The following MYO16 variants were observed in gnomAD, a reference collection of about 807,000 sequenced individuals.
MYO16 encodes unconventional myosin-XVI.
In MYO16, 94 loss-of-function variants were observed where a neutral mutation model predicts 205.3. The observed-to-expected ratio is 0.46, with a 90% confidence interval of 0.39 to 0.54. The LOEUF is 0.54. MYO16 is among the 20% of genes least tolerant of loss of function. The pLI is 0.00. For synonymous variants in MYO16, 988 were observed against 954.0 expected (o/e 1.04, Z -0.66); for missense variants, 2,315 against 2,387.5 (o/e 0.97, Z 0.63).
intron 4 of MYO16, among the ~76,000 whole-genome samples, chr13:108,743,645 T>C (rs906478141): frequency 3.3e-5 from 5 of 152,254 alleles, no homozygotes; most frequent in African/African-American, 1.2e-4. Flanking sequence ...CTTTTGTGTT[T>C]GAACATCTGA....
intron 20 of MYO16, among the ~76,000 whole-genome samples, chr13:108,966,335 C>T (rs1308336968): frequency 6.6e-6 from 1 of 152,104 alleles, no homozygotes; most frequent in East Asian, 1.9e-4. Flanking sequence ...GAAGTTGACA[C>T]TGAAAAAATG....
At chr13:108,548,798 T>C in the MYO16 span, among the ~76,000 whole-genome samples, 23 of 152,130 alleles carry the variant, frequency 1.5e-4, no homozygotes, top group Non-Finnish European at 2.6e-4. Flanking sequence ...CAAATAGGGT[T>C]TGCTAAGAAT....
At chr13:108,699,330 T>A (rs1883212198) in intron 2 of MYO16, among the ~76,000 whole-genome samples, 1 of 152,134 alleles carries the variant, frequency 6.6e-6, no homozygotes, top group Non-Finnish European at 1.5e-5. Flanking sequence ...TTTATTTTTG[T>A]TTTTATTATC....
rs376823070 is a variant in MYO16, at chr13:108,996,534, G to T, written c.2442+4086G>T. Among the ~76,000 whole-genome samples, 138 of 152,296 alleles carry T rather than the reference G, an allele frequency of 9.1e-4. 3 individuals are homozygous for T. In the South Asian group the frequency reaches 0.027, roughly 29 times the overall value. The stretch of plus-strand genomic sequence containing the variant: ...AAAAAATGTGTTTCTCTAAGTTCTT[G>T]TATCTCAGAGAATTATACTAAAGTA... On this transcript the variant is annotated intron_variant, in intron 21 of 34. Transcript: ENST00000457511.
intron 23 of MYO16, among the ~76,000 whole-genome samples, chr13:109,030,601 T>G (rs944124517): frequency 2.0e-5 from 3 of 152,194 alleles, no homozygotes; most frequent in African/African-American, 7.2e-5. Flanking sequence ...ACTTTCATTT[T>G]GTGAATATTG....
At chr13:108,914,854 G>A (rs912948001) in intron 16 of MYO16, among the ~76,000 whole-genome samples, 5 of 152,114 alleles carry the variant, frequency 3.3e-5, no homozygotes, top group African/African-American at 1.2e-4. Flanking sequence ...TGTTGGCCAG[G>A]CTGGTCTTGA....
At chr13:108,986,252 T>C (rs3858814) in intron 20 of MYO16, among the ~76,000 whole-genome samples, 1,658 of 152,236 alleles carry the variant, frequency 0.011, 38 homozygotes, top group African/African-American at 0.038. Flanking sequence ...AGCCAAACCA[T>C]ATCAAGGTAG....
chr13:108,681,972 A>G (rs1882482225), intron 2 of MYO16, among the ~76,000 whole-genome samples: 1 of 152,180 alleles, frequency 6.6e-6, no homozygotes, highest in African/African-American at 2.4e-5. Context: ...TCATCTGAGA[A>G]CTTGTTAGAA....
chr13:108,912,813 G>A (rs1310871314), intron 16 of MYO16, among the ~76,000 whole-genome samples: 1 of 152,056 alleles, frequency 6.6e-6, no homozygotes, highest in Non-Finnish European at 1.5e-5. Context: ...AGCTTAGAGT[G>A]CATCTGTGTC....
rs117856336 is a variant in MYO16, at chr13:108,684,943, G to C, written c.292+18794G>C. ...GTACCCTTTATAGTAAATGGTAAAC[G>C]TAAGTCAAGTGTTTCCCTGAGTTCT... On this transcript the variant is annotated intron_variant, in intron 2 of 34. Transcript: ENST00000457511. Among the ~76,000 whole-genome samples the C allele has an allele frequency of 1.1e-4, 17 of 151,976 alleles. No individual in the cohort carries two copies. The East Asian group carries it at 3.3e-3, about 29-fold the overall frequency.
the MYO16 span, among the ~76,000 whole-genome samples, chr13:108,562,147 A>G: frequency 1.3e-5 from 2 of 152,170 alleles, no homozygotes; most frequent in Non-Finnish European, 2.9e-5. Flanking sequence ...ATCAGATGCC[A>G]GCATAGTCCA....
intron 4 of MYO16, 88 bp from the exon 5 acceptor site, chr13:108,785,547 G>C: frequency 1.4e-6 from 1 of 695,364 alleles, no homozygotes; most frequent in Admixed American, 3.2e-5. Context: ...TTCTGCATCT[G>C]TTTCCCAACT....
At chr13:109,034,350 T>G (rs277826) in intron 23 of MYO16, among the ~76,000 whole-genome samples, 9 of 152,210 alleles carry the variant, frequency 5.9e-5, no homozygotes, top group African/African-American at 1.7e-4. Flanking sequence ...GATTGAATCA[T>G]GGGGGTGGTT....
chr13:108,957,935 C>G (rs1883439049), intron 17 of MYO16, 136 bp downstream of exon 17: 1 of 676,828 alleles, frequency 1.5e-6, no homozygotes, highest in East Asian at 3.0e-5. Flanking sequence ...CGGCAGACAA[C>G]AAGCCCCAAT....
chr13:108,591,207 T>A (rs1878390507), upstream of MYO16, among the ~76,000 whole-genome samples: 1 of 152,162 alleles, frequency 6.6e-6, no homozygotes, highest in South Asian at 2.1e-4. Flanking sequence ...GAGTCTGTCC[T>A]GCAGTCTGAG....
the MYO16 span, among the ~76,000 whole-genome samples, chr13:108,550,217 T>G: frequency 6.6e-6 from 1 of 152,278 alleles, no homozygotes. Flanking sequence ...CTGGGGGTGC[T>G]ACTGCCATGG....
Position 108,949,394 on chromosome 13 carries a change from A to G in MYO16, c.1926-8294A>G, listed in dbSNP as rs533172190. Among the ~76,000 whole-genome samples, 4 of 152,350 alleles carry G rather than the reference A, an allele frequency of 2.6e-5. No individual in the cohort carries two copies. In the East Asian group the frequency reaches 5.8e-4, roughly 22 times the overall value. ...CAATCACATATATTAATCATTATGT[A>G]TTAACAGTGAACGTGTGAAAACTGC... On this transcript the variant is annotated intron_variant, in intron 16 of 34. Coordinates refer to ENST00000457511, the MANE Select transcript of MYO16 (RefSeq NM_001198950.3).
chr13:108,997,655 A>G (rs1373916594), intron 21 of MYO16, among the ~76,000 whole-genome samples: 1 of 152,136 alleles, frequency 6.6e-6, no homozygotes, highest in East Asian at 1.9e-4. Context: ...CCTGGCCAAC[A>G]TGGTGAAACC....
intron 6 of MYO16, among the ~76,000 whole-genome samples, chr13:108,801,255 A>C (rs1403287162): frequency 6.6e-6 from 1 of 152,248 alleles, no homozygotes; most frequent in Non-Finnish European, 1.5e-5. Context: ...GTTGGGAATT[A>C]AGTAAATGCA....
Sources: gnomAD v4.1 joint callset for allele counts (sites outside exome capture counted in the v4.1 genomes callset) on GRCh38, gnomAD v4.1.1 for gene constraint, MANE v1.5 for transcripts, NCBI Gene and HGNC (gene_info 2026-07-23, HGNC 2026-07-21) for gene names.